SGCZ: variants seen among roughly 807,000 people sequenced by gnomAD.
SGCZ encodes the protein zeta-sarcoglycan.
Under a neutral mutation model 41.3 loss-of-function variants are expected in SGCZ, and 40 were observed. That is an observed-to-expected ratio of 0.97 (90% CI 0.75 to 1.26). The LOEUF is 1.26. Among genes scored for constraint, SGCZ ranks in the 50% most tolerant of loss-of-function variants. The pLI, the probability that SGCZ is intolerant of heterozygous loss-of-function variation, is 0.00. For synonymous variants in SGCZ, 206 were observed against 137.5 expected (o/e 1.50, Z -3.49); for missense variants, 552 against 369.8 (o/e 1.49, Z -4.04).
At chr8:14,592,285 G>A (rs959469674) in intron 1 of SGCZ, among the ~76,000 whole-genome samples, 13 of 152,024 alleles carry the variant, frequency 8.6e-5, no homozygotes, top group African/African-American at 3.1e-4. Context: ...CAACAATGAA[G>A]AATAATGATA....
At chr8:14,619,016 G>A (rs774518956) in intron 1 of SGCZ, among the ~76,000 whole-genome samples, 1 of 152,210 alleles carries the variant, frequency 6.6e-6, no homozygotes, top group African/African-American at 2.4e-5. Flanking sequence ...TGAACCTGGA[G>A]ATCAACAGGG....
At chr8:14,520,324 A>T (rs1018283880) in intron 2 of SGCZ, among the ~76,000 whole-genome samples, 1 of 152,152 alleles carries the variant, frequency 6.6e-6, no homozygotes, top group African/African-American at 2.4e-5. Flanking sequence ...TTGTTCCTGG[A>T]AGCAGCTATT....
At chr8:15,108,888 G>A (rs927890365) in intron 1 of SGCZ, among the ~76,000 whole-genome samples, 1 of 152,184 alleles carries the variant, frequency 6.6e-6, no homozygotes, top group Non-Finnish European at 1.5e-5. Flanking sequence ...TAGTTGTTAC[G>A]CAGTGACAGA....
Position 14,237,573 on chromosome 8 carries a change from T to G in SGCZ, c.424+19A>C, listed in dbSNP as rs769993827. ...AAAACCAAGCACAGTAGGAGCAATC[T>G]TTACCCCAAAACACTCACCTATGGT... On this transcript the variant is annotated intron_variant, in intron 4 of 7. Transcript: ENST00000382080. 7.0e-5 allele frequency: 113 copies of G among 1,609,536 alleles called. No individual in the cohort carries two copies. Among genetic ancestry groups the G allele is most frequent in the Non-Finnish European group, 9.3e-5 (110 of 1,177,554 alleles).
intron 2 of SGCZ, among the ~76,000 whole-genome samples, chr8:14,552,582 AT>A (rs1328436260): frequency 6.6e-6 from 1 of 152,074 alleles, no homozygotes; most frequent in Non-Finnish European, 1.5e-5. Flanking sequence ...CCTTTTAATT[AT>A]CCCCAGGACC....
At chr8:14,412,759 C>T (rs1057376030) in intron 2 of SGCZ, among the ~76,000 whole-genome samples, 2 of 151,834 alleles carry the variant, frequency 1.3e-5, no homozygotes, top group African/African-American at 2.4e-5. Flanking sequence ...ACTAATAATG[C>T]GCACGTGACA....
intron 2 of SGCZ, among the ~76,000 whole-genome samples, chr8:14,350,115 A>T (rs1368056573): frequency 6.6e-6 from 1 of 152,132 alleles, no homozygotes; most frequent in African/African-American, 2.4e-5. Context: ...TGTCTTTGGA[A>T]GGTGAACGAT....
At chr8:14,765,553 G>C (rs1801882510) in intron 1 of SGCZ, among the ~76,000 whole-genome samples, 1 of 152,110 alleles carries the variant, frequency 6.6e-6, no homozygotes, top group African/African-American at 2.4e-5. Context: ...CCTCAGAATG[G>C]ATAGGCAGAT....
At chr8:14,987,752 T>A (rs1327918058) in intron 1 of SGCZ, among the ~76,000 whole-genome samples, 3 of 152,032 alleles carry the variant, frequency 2.0e-5, no homozygotes, top group Admixed American at 6.6e-5. Context: ...CACTTTTAAT[T>A]TGAAGTTGTA....
chr8:14,525,094 T>C (rs1802900061), intron 2 of SGCZ, among the ~76,000 whole-genome samples: 3 of 151,590 alleles, frequency 2.0e-5, no homozygotes, highest in East Asian at 1.9e-4. Context: ...CATAGATAGA[T>C]AGACACATAG....
intron 1 of SGCZ, among the ~76,000 whole-genome samples, chr8:15,009,729 C>T (rs1189523168): frequency 1.3e-5 from 2 of 152,176 alleles, no homozygotes; most frequent in Non-Finnish European, 2.9e-5. Context: ...GTGTCCCTCA[C>T]ACTCTTCATA....
intron 2 of SGCZ, among the ~76,000 whole-genome samples, chr8:14,510,900 A>C (rs1478010851): frequency 1.3e-5 from 2 of 152,156 alleles, no homozygotes; most frequent in African/African-American, 2.4e-5. Flanking sequence ...CAATATAGGC[A>C]TCAATGAAGA....
At chr8:14,625,843 T>C (rs937101352) in intron 1 of SGCZ, among the ~76,000 whole-genome samples, 1 of 152,294 alleles carries the variant, frequency 6.6e-6, no homozygotes, top group South Asian at 2.1e-4. Flanking sequence ...AAGTTTCAGA[T>C]GACATTAAAA....
intron 1 of SGCZ, among the ~76,000 whole-genome samples, chr8:14,919,952 A>G (rs1248250408): frequency 6.6e-6 from 1 of 152,160 alleles, no homozygotes; most frequent in East Asian, 1.9e-4. Context: ...AAAGAAAACT[A>G]TTAGCAATAA....
At chr8:14,290,802 G>A (rs1800814349) in intron 3 of SGCZ, among the ~76,000 whole-genome samples, 1 of 152,128 alleles carries the variant, frequency 6.6e-6, no homozygotes, top group Non-Finnish European at 1.5e-5. Context: ...TAAGCTACCA[G>A]TAGAACTACC....
intron 2 of SGCZ, among the ~76,000 whole-genome samples, chr8:14,355,034 C>T (rs1803244796): frequency 6.6e-6 from 1 of 151,892 alleles, no homozygotes; most frequent in Admixed American, 6.6e-5. Flanking sequence ...ATTTGGCAAG[C>T]TAGCAATTCA....
At chr8:14,743,842 A>G (rs1028774353) in intron 1 of SGCZ, among the ~76,000 whole-genome samples, 2 of 152,186 alleles carry the variant, frequency 1.3e-5, no homozygotes, top group African/African-American at 4.8e-5. Flanking sequence ...AGTGAAAACT[A>G]TGAAGATAGA....
chr8:14,784,768 G>A (rs1800701175), intron 1 of SGCZ, among the ~76,000 whole-genome samples: 1 of 150,718 alleles, frequency 6.6e-6, no homozygotes, highest in Non-Finnish European at 1.5e-5. Flanking sequence ...CGGGCATGGT[G>A]GCGTATGCCT....
intron 1 of SGCZ, among the ~76,000 whole-genome samples, chr8:14,680,964 G>GAAAAAAAAAAAAAAAAAAAAA (rs71209075): frequency 8.5e-6 from 1 of 117,936 alleles, no homozygotes; most frequent in Non-Finnish European, 1.7e-5. Flanking sequence ...AAAAGAGTGG[G>GAAAAAAAAAAAAAAAAAAAAA]AAAAAAAAAA....
Sources: gnomAD v4.1 joint callset for allele counts (sites outside exome capture counted in the v4.1 genomes callset) on GRCh38, gnomAD v4.1.1 for gene constraint, MANE v1.5 for transcripts, NCBI Gene and HGNC (gene_info 2026-07-23, HGNC 2026-07-21) for gene names.